Variants in GCNT1 observed in about 807,000 individuals in gnomAD.
GCNT1 encodes glucosaminyl (N-acetyl) transferase 1.
Under a neutral mutation model 26.2 loss-of-function variants are expected in GCNT1, and 16 were observed. The observed-to-expected ratio is 0.61, with a 90% CI of 0.41 to 0.93. The LOEUF (loss-of-function observed/expected upper bound fraction) is 0.93, where lower values mean the gene tolerates loss of function less well. Among genes scored for constraint, GCNT1 ranks in the 40% least tolerant of loss-of-function variants. GCNT1 has a pLI of 0.00. For missense variants in GCNT1, 477 were observed against 526.7 expected, an observed-to-expected ratio of 0.91 and a Z score of 0.92; for synonymous variants, 183 against 190.8, an observed-to-expected ratio of 0.96 and a Z score of 0.34.
chr9:76,426,101 T>C lies in GCNT1; in HGVS notation n.38+6214T>C, dbSNP rs146797951. The stretch of plus-strand genomic sequence containing the variant: ...TAGTCCTACAAATGCAGCCTAGTCC[T>C]GAGGCAGGAAGGAGGTTTGTTTTGG... On this transcript the variant is annotated intron_variant and non_coding_transcript_variant, in intron 1 of 3. Coordinates refer to the GCNT1 transcript ENST00000488136. Among the ~76,000 whole-genome samples, 400 of 152,332 alleles carry C rather than the reference T, an allele frequency of 2.6e-3. 1 individual carries two copies. Among genetic ancestry groups the C allele is most frequent in the African/African-American group, 9.3e-3 (386 of 41,586 alleles).
upstream of GCNT1, among the ~76,000 whole-genome samples, chr9:76,415,352 T>A (rs1951910): frequency 6.6e-6 from 1 of 152,004 alleles, no homozygotes; most frequent in Non-Finnish European, 1.5e-5. Context: ...TCACCACACC[T>A]GACCTTGACG....
At chr9:76,412,177 G>A in the GCNT1 span, among the ~76,000 whole-genome samples, 2 of 152,182 alleles carry the variant, frequency 1.3e-5, no homozygotes, top group East Asian at 3.9e-4. Flanking sequence ...TTATTGTGTA[G>A]TGCATTTCAC....
chr9:76,402,282 A>T, the GCNT1 span, among the ~76,000 whole-genome samples: 1 of 152,070 alleles, frequency 6.6e-6, no homozygotes. Context: ...TTCCTTCAAC[A>T]CTCTCAACTA....
At chr9:76,430,388 C>G (rs921461305) in intron 1 of GCNT1, among the ~76,000 whole-genome samples, 1 of 151,716 alleles carries the variant, frequency 6.6e-6, no homozygotes, top group Admixed American at 6.6e-5. Flanking sequence ...TGACAGAACA[C>G]TCATTTTTTT....
At chr9:76,417,365 A>G (rs1197335732), upstream of GCNT1, among the ~76,000 whole-genome samples, 2 of 152,064 alleles carry the variant, frequency 1.3e-5, no homozygotes, top group African/African-American at 4.8e-5. Context: ...TGGAAGGAAA[A>G]TTTTCCTCTA....
chr9:76,459,942 C>T (rs1010394998), intron 1 of GCNT1, 118 bp from the exon 2 acceptor site: 4 of 152,186 alleles, frequency 2.6e-5, no homozygotes, highest in African/African-American at 9.7e-5. Flanking sequence ...ATTTTACCCC[C>T]TCCTAGGTTT....
At chr9:76,498,868 A>G (rs1824983338) in intron 2 of GCNT1, among the ~76,000 whole-genome samples, 1 of 152,104 alleles carries the variant, frequency 6.6e-6, no homozygotes, top group East Asian at 1.9e-4. Flanking sequence ...CTGTCTTTTA[A>G]ATCAGATGGG....
In GCNT1 at chr9:76,449,312, C is replaced by CA. The variant is rs35445634; in HGVS notation, c.-290+7008dup. On this transcript the variant is annotated intron_variant, in intron 1 of 2. Coordinates refer to the GCNT1 transcript ENST00000442371. Reference sequence around the variant, plus strand: ...AAGACCCTGTCTCTATAAAAAACAACAAAAAAAAAAACAAGCAAATAAAAT... The same window carrying CA: ...AAGACCCTGTCTCTATAAAAAACAACAAAAAAAAAAAACAAGCAAATAAAAT... Among the ~76,000 whole-genome samples, 902 of 148,396 alleles carry CA rather than the reference C, an allele frequency of 6.1e-3. 6 individuals carry two copies. Among genetic ancestry groups the CA allele is most frequent in the Non-Finnish European group, 7.0e-3 (471 of 66,890 alleles).
chr9:76,414,899 T>A (rs945055622), upstream of GCNT1, among the ~76,000 whole-genome samples: 1 of 152,144 alleles, frequency 6.6e-6, no homozygotes, highest in East Asian at 1.9e-4. Context: ...AGTCTTATCC[T>A]GTGAATAAGA....
At chr9:76,469,414 T>G (rs935524812) in intron 2 of GCNT1, among the ~76,000 whole-genome samples, 5 of 152,088 alleles carry the variant, frequency 3.3e-5, no homozygotes. Context: ...AAATAGCCAA[T>G]CATCTATTGC....
chr9:76,394,352 C>G, the GCNT1 span: 10 of 536,034 alleles, frequency 1.9e-5, no homozygotes, highest in East Asian at 3.5e-4. Context: ...CTGACGCCGC[C>G]GACCCAACAA....
At chr9:76,489,454 G>C (rs1041389439) in intron 2 of GCNT1, among the ~76,000 whole-genome samples, 12 of 152,172 alleles carry the variant, frequency 7.9e-5, no homozygotes, top group African/African-American at 2.9e-4. Context: ...GCTTCCACAG[G>C]CGTGGAAAGA....
chr9:76,413,653 G>GTTTTTTTTTTTTTTGTTTT, the GCNT1 span, among the ~76,000 whole-genome samples: 18 of 118,662 alleles, frequency 1.5e-4, no homozygotes, highest in East Asian at 5.5e-4. Context: ...GTTTTGTTTT[G>GTTTTTTTTTTTTTTGTTTT]TTTTTTTTTT....
chr9:76,472,215 G>A (rs1407247502), intron 2 of GCNT1, among the ~76,000 whole-genome samples: 3 of 152,188 alleles, frequency 2.0e-5, no homozygotes, highest in Non-Finnish European at 2.9e-5. Context: ...CCCGGGAGGC[G>A]GAGGATGCAG....
intron 2 of GCNT1, among the ~76,000 whole-genome samples, chr9:76,492,025 C>G (rs550811704): frequency 1.3e-5 from 2 of 152,298 alleles, no homozygotes; most frequent in Admixed American, 6.5e-5. Flanking sequence ...GTGAGGCCAG[C>G]CTTTTGCTAC....
chr9:76,434,906 A>G (rs1341608745), intron 1 of GCNT1, among the ~76,000 whole-genome samples: 1 of 152,108 alleles, frequency 6.6e-6, no homozygotes, highest in Non-Finnish European at 1.5e-5. Flanking sequence ...CTCCTGCAGT[A>G]CCCTCAGGCT....
intron 2 of GCNT1, among the ~76,000 whole-genome samples, chr9:76,488,081 G>A (rs1245596051): frequency 2.0e-5 from 3 of 152,146 alleles, no homozygotes; most frequent in Admixed American, 2.0e-4. Context: ...ACAGTAGCTG[G>A]AATACATTTT....
chr9:76,484,875 G>A (rs572238241), intron 2 of GCNT1, among the ~76,000 whole-genome samples: 6 of 138,178 alleles, frequency 4.3e-5, no homozygotes, highest in South Asian at 2.4e-4. Flanking sequence ...TGCAACCTCC[G>A]CCTCCCAGAT....
intron 2 of GCNT1, among the ~76,000 whole-genome samples, chr9:76,481,662 C>A (rs143981110): frequency 7.9e-5 from 12 of 151,878 alleles, no homozygotes; most frequent in Non-Finnish European, 1.8e-4. Flanking sequence ...TATAAATGCA[C>A]GTGATTTAAA....
Sources: gnomAD v4.1 joint callset for allele counts (sites outside exome capture counted in the v4.1 genomes callset) on GRCh38, gnomAD v4.1.1 for gene constraint, MANE v1.5 for transcripts, NCBI Gene and HGNC (gene_info 2026-07-23, HGNC 2026-07-21) for gene names.